The following DNAH5 variants were observed in gnomAD, a reference collection of about 807,000 sequenced individuals.
DNAH5 encodes axonemal beta dynein heavy chain 5.
A neutral mutation model predicts 518.2 loss-of-function variants in DNAH5; 372 were observed. That is an observed-to-expected ratio of 0.72 (90% CI 0.66 to 0.78). The LOEUF (loss-of-function observed/expected upper bound fraction) is 0.78. Among genes scored for constraint, DNAH5 ranks in the 30% least tolerant of loss-of-function variants. DNAH5 has a pLI of 0.00. For synonymous variants in DNAH5, 2,039 were observed against 2,025.9 expected (o/e 1.01, Z -0.17); for missense variants, 5,523 against 5,687.0 (o/e 0.97, Z 0.93).
chr5:13,714,508 G>T lies in DNAH5; in HGVS notation c.13022C>A (p.Pro4341His), dbSNP rs765919049. The T allele has an allele frequency of 1.2e-6, 2 of 1,614,004 alleles. No homozygotes were observed. The highest frequency in any genetic ancestry group is 2.7e-5 in the African/African-American group (2 of 74,908). ...ATCCCCTCCACCAGAGGTGTCCTTG[G>T]GTTGGATGCCTAGGATGGTGTCCAG... ...DVLDTILGIQ[P>H]KDTSGGGDET... The change falls in exon 75 of 79, where the codon CCC (proline) becomes CAC (histidine). Residue 4341 changes from proline (P) to histidine (H), a missense_variant. Physicochemically the swap from Pro to His is moderately conservative, Grantham distance 77. This residue lies in a region of DNAH5 where 387 missense variants were observed against 430.0 expected (regional missense o/e 0.90). Transcript: ENST00000265104.
chr5:13,829,422 C>G, intron 38 of DNAH5, 88 bp downstream of exon 38: 2 of 1,375,040 alleles, frequency 1.5e-6, no homozygotes, highest in South Asian at 2.4e-5. Flanking sequence ...GTCAACAAGC[C>G]CAGTCTAGAA....
At chr5:13,830,531 CAA>C in intron 36 of DNAH5, 64 bp downstream of exon 36, 1 of 1,585,204 alleles carries the variant, frequency 6.3e-7, no homozygotes, top group Non-Finnish European at 8.7e-7. Context: ...TTGTTGAAAA[CAA>C]ATTTTAGCAA....
Position 13,776,913 on chromosome 5 carries a change from A to G in DNAH5, c.9106-207T>C, listed in dbSNP as rs111484755. ...CTGCAAAGTTGTAGCCCCGGAAAGG[A>G]GTAAATGGACATGCCAAAAATCTAA... On this transcript the variant is annotated intron_variant, in intron 54 of 78. Transcript: ENST00000265104. Among the ~76,000 whole-genome samples the G allele has an allele frequency of 8.5e-5, 13 of 152,350 alleles. No homozygotes were observed. The East Asian group carries it at 1.3e-3, about 16-fold the overall frequency.
intron 1 of DNAH5, among the ~76,000 whole-genome samples, chr5:13,971,085 TC>T (rs1268411565): frequency 2.6e-5 from 4 of 152,200 alleles, no homozygotes; most frequent in African/African-American, 9.6e-5. Flanking sequence ...GCTGAGACTT[TC>T]CAGTGTATTT....
At chr5:13,819,972 C>T (rs879607565) in intron 41 of DNAH5, among the ~76,000 whole-genome samples, 4 of 151,938 alleles carry the variant, frequency 2.6e-5, no homozygotes, top group South Asian at 2.1e-4. Context: ...TTTTTTTAAG[C>T]GCGCCCTGAC....
chr5:13,991,004 T>G lies in DNAH5; in HGVS notation c.12+20644A>C, dbSNP rs527419161. The stretch of plus-strand genomic sequence containing the variant: ...ATAAGAGGCAGTTTGAGTTTTTTTC[T>G]AAAATCCCTCCTGCGGGCTGCTTCC... On this transcript the variant is annotated intron_variant, in intron 1 of 78. Coordinates refer to the DNAH5 transcript ENST00000681290. 2.4e-4 allele frequency among the ~76,000 whole-genome samples: 37 copies of G among 152,002 alleles called. No individual in the cohort carries two copies. The East Asian group carries it at 2.5e-3, about 10-fold the overall frequency.
At chr5:13,937,606 T>C (rs1406256943) in intron 1 of DNAH5, among the ~76,000 whole-genome samples, 1 of 151,882 alleles carries the variant, frequency 6.6e-6, no homozygotes, top group Non-Finnish European at 1.5e-5. Context: ...ATATACCAGG[T>C]CCTCATACAA....
In DNAH5 at chr5:13,792,109, T is replaced by C. The variant is rs1325554159; in HGVS notation, c.8333A>G (p.Lys2778Arg). 7 of 1,613,974 alleles carry C rather than the reference T, an allele frequency of 4.3e-6. 1 individual carries two copies. The highest frequency in any genetic ancestry group is 1.6e-4 in the Middle Eastern group (1 of 6,084). ...TGCAGGGGTAGGAAGCATTTTAATC[T>C]TGGTCATCTGCCATAGTCGGCGTGT... ...PLTRRLWQMT[K>R]IKMLPTPAKF... Residue 2778 changes from lysine to arginine, a missense_variant, in exon 50 of 79, where the codon AAG becomes AGG. Lys to Arg is a conservative substitution (Grantham distance 26). Transcript: ENST00000265104.
intron 1 of DNAH5, among the ~76,000 whole-genome samples, chr5:14,004,749 T>G (rs931149732): frequency 1.3e-5 from 2 of 152,234 alleles, no homozygotes; most frequent in African/African-American, 4.8e-5. Context: ...TTTTCCATCT[T>G]TCTTTTCTAG....
intron 40 of DNAH5, among the ~76,000 whole-genome samples, chr5:13,822,575 T>C (rs926529921): frequency 6.6e-6 from 1 of 152,184 alleles, no homozygotes; most frequent in Non-Finnish European, 1.5e-5. Context: ...TTATAAATAT[T>C]TTCAAGGAAT....
intron 22 of DNAH5, among the ~76,000 whole-genome samples, chr5:13,872,348 ATATAACTAGAATT>A (rs1770245677): frequency 6.6e-6 from 1 of 152,216 alleles, no homozygotes; most frequent in Non-Finnish European, 1.5e-5. Flanking sequence ...TGTATAATTC[ATATAACTAGAATT>A]GACATCTGAA....
chr5:13,932,377 C>T (rs888803450), intron 1 of DNAH5: 1 of 152,202 alleles, frequency 6.6e-6, no homozygotes, highest in Admixed American at 6.5e-5. Flanking sequence ...GACAGGACAG[C>T]TTTCAGGAGG....
At chr5:13,821,642 C>T (rs146052246) in intron 40 of DNAH5, among the ~76,000 whole-genome samples, 1 of 152,150 alleles carries the variant, frequency 6.6e-6, no homozygotes, top group African/African-American at 2.4e-5. Context: ...TATGCTTGAA[C>T]TCACAGTACG....
rs1239991919 is a variant in DNAH5 at position 13,788,795 on chromosome 5, A to C, written c.8568T>G (p.Gly2856=). ...AATCCACCAAGAGTTTTTTCTCTTC[A>C]CCAAACTCCTCCTCTACCAAACTTA... is the stretch of plus-strand genomic sequence containing the variant. ...ALVSLVEEEF[G]EEKKLLVDCG... Residue 2856 remains glycine (G), a synonymous_variant, in exon 51 of 79, where the codon GGT becomes GGG. Transcript: ENST00000265104. 1.2e-6 allele frequency: 2 copies of C among 1,614,094 alleles called. No homozygotes were observed. The highest frequency in any genetic ancestry group is 2.2e-5 in the South Asian group (2 of 91,070).
intron 51 of DNAH5, among the ~76,000 whole-genome samples, chr5:13,787,184 A>T (rs1322609346): frequency 6.6e-6 from 1 of 151,168 alleles, no homozygotes; most frequent in Non-Finnish European, 1.5e-5. Flanking sequence ...AGCCTGGGAA[A>T]CAGAGCGAGA....
chr5:13,965,537 G>A (rs751705955), intron 1 of DNAH5, among the ~76,000 whole-genome samples: 6 of 152,168 alleles, frequency 3.9e-5, no homozygotes, highest in East Asian at 1.9e-4. Context: ...CAAAAGACAC[G>A]CTTTGTTTAA....
chr5:13,838,904 G>C (rs1282229024), intron 35 of DNAH5, among the ~76,000 whole-genome samples: 2 of 151,468 alleles, frequency 1.3e-5, no homozygotes, highest in Non-Finnish European at 2.9e-5. Context: ...CAGGCCAAGG[G>C]AAGAGTTAAC....
rs4351149 is a variant in DNAH5 at position 13,759,546 on chromosome 5, C to T, written c.10282-563G>A. On this transcript the variant is annotated intron_variant, in intron 60 of 78. Transcript: ENST00000265104. ...ATTATTTACTGAATATAAATATCTACGTTTTGTGTATCGTGGTGGTCTTGA... is the reference window on the plus strand; with the variant it reads ...ATTATTTACTGAATATAAATATCTATGTTTTGTGTATCGTGGTGGTCTTGA... 5.0e-3 allele frequency among the ~76,000 whole-genome samples: 768 copies of T among 152,198 alleles called. 2 individuals carry two copies. The highest frequency in any genetic ancestry group is 7.9e-3 in the Non-Finnish European group (537 of 68,014).
chr5:13,784,859 C>T (rs1364167917), intron 52 of DNAH5, among the ~76,000 whole-genome samples: 1 of 152,104 alleles, frequency 6.6e-6, no homozygotes, highest in African/African-American at 2.4e-5. Flanking sequence ...ATAATATATT[C>T]TACTTCCAAC....
Sources: allele counts gnomAD v4.1 joint callset (sites outside exome capture counted in the v4.1 genomes callset), GRCh38; gene constraint gnomAD v4.1.1; regional missense constraint gnomAD v4.1.1; transcripts MANE v1.5; gene names NCBI Gene and HGNC (gene_info 2026-07-23, HGNC 2026-07-21).